NKAIN2: variants seen among roughly 807,000 people sequenced by gnomAD.
The protein encoded by NKAIN2 is sodium/potassium-transporting ATPase subunit beta-1-interacting protein 2.
Under a neutral mutation model 32.6 loss-of-function variants are expected in NKAIN2, and 14 were observed. The ratio of observed to expected loss-of-function variants is 0.43; its 90% CI spans 0.28 to 0.67. The LOEUF is 0.67. Among genes scored for constraint, NKAIN2 ranks in the 30% least tolerant of loss-of-function variants. NKAIN2 has a pLI of 0.17. For synonymous variants in NKAIN2, 80 were observed against 87.2 expected, an observed-to-expected ratio of 0.92 and a Z score of 0.46; for missense variants, 198 against 258.3, an observed-to-expected ratio of 0.77 and a Z score of 1.60.
At chr6:124,216,067 G>A (rs375169026) in intron 1 of NKAIN2, among the ~76,000 whole-genome samples, 31 of 147,726 alleles carry the variant, frequency 2.1e-4, no homozygotes, top group African/African-American at 7.8e-4. Flanking sequence ...GCAGTGAGCC[G>A]AGATCGCACC....
intron 4 of NKAIN2, among the ~76,000 whole-genome samples, chr6:124,751,580 G>A (rs1016332687): frequency 1.3e-5 from 2 of 151,848 alleles, no homozygotes; most frequent in Non-Finnish European, 2.9e-5. Flanking sequence ...TCATAGTGCA[G>A]CTCAGCAGGT....
At chr6:124,175,626 A>G (rs1789117180) in intron 1 of NKAIN2, among the ~76,000 whole-genome samples, 1 of 152,158 alleles carries the variant, frequency 6.6e-6, no homozygotes, top group African/African-American at 2.4e-5. Context: ...TTTTTATATC[A>G]TTATTTTTAT....
intron 3 of NKAIN2, among the ~76,000 whole-genome samples, chr6:124,385,967 A>G (rs968000400): frequency 2.0e-5 from 3 of 152,186 alleles, no homozygotes; most frequent in Non-Finnish European, 4.4e-5. Context: ...GTAAGCAATG[A>G]TATCAGCCAT....
At chr6:124,698,136 G>T (rs1264358995) in intron 4 of NKAIN2, among the ~76,000 whole-genome samples, 1 of 152,118 alleles carries the variant, frequency 6.6e-6, no homozygotes, top group African/African-American at 2.4e-5. Context: ...CTTGTCTCAG[G>T]AAGTCCCAGT....
intron 4 of NKAIN2, among the ~76,000 whole-genome samples, chr6:124,681,579 A>T (rs1773621863): frequency 6.6e-6 from 1 of 152,030 alleles, no homozygotes; most frequent in African/African-American, 2.4e-5. Context: ...CTGCAGAATG[A>T]TGTAGTTTTC....
intron 1 of NKAIN2, among the ~76,000 whole-genome samples, chr6:124,028,220 T>A (rs1372812457): frequency 6.6e-6 from 1 of 152,116 alleles, no homozygotes; most frequent in Non-Finnish European, 1.5e-5. Context: ...AATCCTATTC[T>A]CTGAATGCCA....
At chr6:124,608,392 A>G (rs1562281898) in intron 3 of NKAIN2, among the ~76,000 whole-genome samples, 1 of 152,168 alleles carries the variant, frequency 6.6e-6, no homozygotes, top group Non-Finnish European at 1.5e-5. Context: ...TCAACAAGAT[A>G]GAGGTAGTAA....
intron 1 of NKAIN2, among the ~76,000 whole-genome samples, chr6:124,075,708 G>C (rs1459883629): frequency 6.6e-6 from 1 of 152,122 alleles, no homozygotes; most frequent in Non-Finnish European, 1.5e-5. Context: ...CTCTTCTCCT[G>C]CCTCAGCCTC....
rs182005569 is a variant in NKAIN2, at chr6:123,912,319, A to G, written c.54+108065A>G. Among the ~76,000 whole-genome samples, 89 of 152,106 alleles carry G rather than the reference A, an allele frequency of 5.9e-4. 1 individual carries two copies. The East Asian group carries it at 0.016, about 28-fold the overall frequency. The stretch of plus-strand genomic sequence containing the variant: ...GTATTTTATAATAAATAATGTATAT[A>G]TTTACATATTTTGTAATTTGTATGT... On this transcript the variant is annotated intron_variant, in intron 1 of 6. Transcript: ENST00000368417.
intron 1 of NKAIN2, among the ~76,000 whole-genome samples, chr6:124,192,510 A>T (rs1329397033): frequency 6.6e-6 from 1 of 152,158 alleles, no homozygotes. Flanking sequence ...ATGACCAGGC[A>T]TATGGTCTAT....
At chr6:124,328,773 A>G (rs945858542) in intron 2 of NKAIN2, among the ~76,000 whole-genome samples, 8 of 152,162 alleles carry the variant, frequency 5.3e-5, no homozygotes, top group Non-Finnish European at 1.0e-4. Context: ...AGGCTACCTA[A>G]AGGAAGGGGA....
intron 1 of NKAIN2, among the ~76,000 whole-genome samples, chr6:124,104,800 AGCC>A (rs759699039): frequency 6.1e-4 from 93 of 152,198 alleles, no homozygotes; most frequent in Non-Finnish European, 1.2e-3. Flanking sequence ...AATCTATAAT[AGCC>A]ACGGGAGGTC....
rs184060156 is a variant in NKAIN2 at position 124,562,991 on chromosome 6, G to A, written c.274-95195G>A. 7.0e-3 allele frequency among the ~76,000 whole-genome samples: 1,031 copies of A among 147,100 alleles called. 4 individuals are homozygous for A. The highest frequency in any genetic ancestry group is 0.018 in the Middle Eastern group (5 of 280). On this transcript the variant is annotated intron_variant, in intron 3 of 6. Transcript: ENST00000368417. The stretch of plus-strand genomic sequence containing the variant: ...GCGATCTCAGCTCACTGCAAAATCC[G>A]CCTCCTAGGTTCAAGCGATTCTCCT...
intron 1 of NKAIN2, among the ~76,000 whole-genome samples, chr6:124,077,345 C>G (rs1407917665): frequency 6.6e-6 from 1 of 152,146 alleles, no homozygotes; most frequent in Non-Finnish European, 1.5e-5. Context: ...CATCCGTTTT[C>G]TCACTCTTCT....
chr6:124,311,817 C>T (rs1028141100), intron 2 of NKAIN2, among the ~76,000 whole-genome samples: 2 of 152,158 alleles, frequency 1.3e-5, no homozygotes, highest in Non-Finnish European at 2.9e-5. Flanking sequence ...CTATTCCTTT[C>T]ACTTTGTTTT....
intron 3 of NKAIN2, among the ~76,000 whole-genome samples, chr6:124,619,347 A>G (rs528106435): frequency 6.6e-6 from 1 of 152,288 alleles, no homozygotes; most frequent in African/African-American, 2.4e-5. Flanking sequence ...CGGTAGGTAA[A>G]GGAATGGCTT....
At chr6:123,992,601 A>G (rs990451354) in intron 1 of NKAIN2, among the ~76,000 whole-genome samples, 6 of 152,198 alleles carry the variant, frequency 3.9e-5, no homozygotes, top group African/African-American at 1.2e-4. Flanking sequence ...ACATTATTGA[A>G]TGTGATGAAT....
intron 1 of NKAIN2, among the ~76,000 whole-genome samples, chr6:124,147,504 T>G (rs995622063): frequency 2.0e-5 from 3 of 151,994 alleles, no homozygotes; most frequent in Non-Finnish European, 4.4e-5. Context: ...CTAAAATAAA[T>G]GCTCAGATGA....
intron 1 of NKAIN2, among the ~76,000 whole-genome samples, chr6:124,136,510 G>A (rs1269511965): frequency 2.0e-5 from 3 of 152,088 alleles, no homozygotes; most frequent in Non-Finnish European, 4.4e-5. Context: ...ACTCTATGAA[G>A]CCAGTATTAT....
Sources: gnomAD v4.1 joint callset for allele counts (sites outside exome capture counted in the v4.1 genomes callset) on GRCh38, gnomAD v4.1.1 for gene constraint, MANE v1.5 for transcripts, NCBI Gene and HGNC (gene_info 2026-07-23, HGNC 2026-07-21) for gene names.